EPDR1: variants seen among roughly 807,000 people sequenced by gnomAD.
The protein encoded by EPDR1 is ependymin related 1, also known as mammalian ependymin-related protein 1.
In EPDR1, 27 loss-of-function variants were observed where a neutral mutation model predicts 23.7. That is an observed-to-expected ratio of 1.14 (90% CI 0.84 to 1.57). The LOEUF (loss-of-function observed/expected upper bound fraction) is 1.57. Ranked by LOEUF, EPDR1 falls within the 40% of genes most tolerant of loss-of-function variation. The pLI is 0.00. For missense variants in EPDR1, 349 were observed against 290.4 expected (o/e 1.20, Z -1.47); for synonymous variants, 137 against 118.2 (o/e 1.16, Z -1.03).
chr7:37,936,016 A>AT (rs1786040125), intron 1 of EPDR1, among the ~76,000 whole-genome samples: 1 of 117,836 alleles, frequency 8.5e-6, no homozygotes, highest in Non-Finnish European at 1.8e-5. Context: ...ATATATATAT[A>AT]TATATATATA....
At chr7:37,935,107 A>G (rs924917458) in intron 1 of EPDR1, among the ~76,000 whole-genome samples, 3 of 152,346 alleles carry the variant, frequency 2.0e-5, no homozygotes, top group African/African-American at 7.2e-5. Flanking sequence ...ATACTAAACC[A>G]TTTTATCTAA....
intron 1 of EPDR1, 94 bp downstream of exon 1, chr7:37,921,302 G>A (rs1471836590): frequency 2.1e-6 from 3 of 1,454,388 alleles, no homozygotes; most frequent in Non-Finnish European, 2.7e-6. Context: ...ACTCTTTCCG[G>A]CCCCTTGCAG....
At chr7:37,946,075 A>G (rs1408192185) in intron 1 of EPDR1, among the ~76,000 whole-genome samples, 3 of 152,174 alleles carry the variant, frequency 2.0e-5, no homozygotes, top group Non-Finnish European at 4.4e-5. Context: ...TTATGGCTGC[A>G]TAGTATTCCA....
chr7:37,942,895 G>A (rs1174497829), intron 1 of EPDR1, among the ~76,000 whole-genome samples: 2 of 152,204 alleles, frequency 1.3e-5, no homozygotes, highest in Non-Finnish European at 2.9e-5. Context: ...GGAAACAATG[G>A]AAATTGTCAA....
chr7:37,947,949 G>C (rs1196707685), intron 1 of EPDR1, among the ~76,000 whole-genome samples: 2 of 152,162 alleles, frequency 1.3e-5, no homozygotes, highest in Non-Finnish European at 2.9e-5. Flanking sequence ...ATTTGCTCTG[G>C]GGTCGCCTCA....
chr7:37,933,290 C>T (rs1159651404), intron 1 of EPDR1, among the ~76,000 whole-genome samples: 1 of 152,108 alleles, frequency 6.6e-6, no homozygotes, highest in African/African-American at 2.4e-5. Flanking sequence ...CCATAAAAGC[C>T]AAAGTCCTTT....
At chr7:37,947,930 A>G (rs1786310739) in intron 1 of EPDR1, among the ~76,000 whole-genome samples, 1 of 152,218 alleles carries the variant, frequency 6.6e-6, no homozygotes, top group Non-Finnish European at 1.5e-5. Context: ...AAACTCAGCT[A>G]AGGGAGTCAT....
At chr7:37,934,848 G>A (rs1292676097) in intron 1 of EPDR1, among the ~76,000 whole-genome samples, 1 of 151,970 alleles carries the variant, frequency 6.6e-6, no homozygotes, top group African/African-American at 2.4e-5. Flanking sequence ...GGGAGGCTGG[G>A]GCAGGAAGAT....
At chr7:37,932,870 A>G (rs906480713) in intron 1 of EPDR1, among the ~76,000 whole-genome samples, 25 of 152,214 alleles carry the variant, frequency 1.6e-4, no homozygotes, top group African/African-American at 5.8e-4. Context: ...ATATTCATCC[A>G]GATATATTTT....
At chr7:37,931,251 C>G (rs769103960) in intron 1 of EPDR1, among the ~76,000 whole-genome samples, 2 of 152,242 alleles carry the variant, frequency 1.3e-5, no homozygotes, top group Middle Eastern at 6.8e-3. Flanking sequence ...CGGTGGCTCA[C>G]GCTTGTAATC....
chr7:37,926,785 A>G (rs980844587), intron 1 of EPDR1: 24 of 431,216 alleles, frequency 5.6e-5, no homozygotes, highest in Non-Finnish European at 9.4e-5. Flanking sequence ...CTGTGAAATG[A>G]TACATTTTTT....
rs747826799 is a variant in EPDR1, at chr7:37,950,432, GC to G, written c.*41del. ...AGGGAAGCGGCAGCATCGGATGTCA[GC>G]CCCCTGCGGCCCCAGCTGGAGATGG... On this transcript the variant is annotated 3_prime_UTR_variant, in exon 3 of 3. Coordinates refer to ENST00000199448, the MANE Select transcript of EPDR1 (RefSeq NM_017549.5). The G allele has an allele frequency of 9.8e-6, 15 of 1,537,594 alleles. No homozygotes were observed. Among genetic ancestry groups the G allele is most frequent in the Non-Finnish European group, 1.3e-5 (15 of 1,134,626 alleles).
intron 1 of EPDR1, 120 bp from the exon 2 acceptor site, chr7:37,948,720 G>A: frequency 1.4e-6 from 1 of 715,938 alleles, no homozygotes; most frequent in South Asian, 1.7e-5. Context: ...TTAAGTGATT[G>A]CCTAGCTAGT....
chr7:37,949,742 C>G (rs1285965982), intron 2 of EPDR1, among the ~76,000 whole-genome samples: 1 of 152,088 alleles, frequency 6.6e-6, no homozygotes, highest in Non-Finnish European at 1.5e-5. Context: ...AATGGATAAA[C>G]AAAATCTGGT....
intron 2 of EPDR1, 84 bp downstream of exon 2, chr7:37,949,132 AGGG>A (rs2132021750): frequency 1.5e-6 from 2 of 1,373,720 alleles, no homozygotes; most frequent in East Asian, 4.7e-5. Flanking sequence ...GGTAGTTTTT[AGGG>A]AAACATCCGC....
intron 1 of EPDR1, among the ~76,000 whole-genome samples, chr7:37,925,563 C>T (rs3734952): frequency 0.27 from 41,034 of 152,060 alleles, 5,641 homozygotes; most frequent in African/African-American, 0.35. Flanking sequence ...GCATTAACCT[C>T]TTTTTTAAAC....
intron 1 of EPDR1, among the ~76,000 whole-genome samples, chr7:37,946,330 T>C (rs1375999766): frequency 6.6e-6 from 1 of 152,224 alleles, no homozygotes; most frequent in Non-Finnish European, 1.5e-5. Flanking sequence ...ATGGTTGAAC[T>C]AATTTATACT....
chr7:37,948,870 T>A lies in EPDR1; in HGVS notation c.300T>A (p.Asp100Glu). 1.2e-6 allele frequency: 2 copies of A among 1,614,176 alleles called. No homozygotes were observed. Among genetic ancestry groups the A allele is most frequent in the Non-Finnish European group, 1.7e-6 (2 of 1,180,026 alleles). ...RLFEYILLYK[D>E]GVMFQIDQAT... ...TTGAATATATTTTGCTGTATAAGGA[T>A]GGAGTGATGTTTCAGATTGACCAAG... Residue 100 changes from aspartate (D) to glutamate (E), a missense_variant, in exon 2 of 3, where the codon GAT becomes GAA. Coordinates refer to ENST00000199448, the MANE Select transcript of EPDR1 (RefSeq NM_017549.5).
intron 1 of EPDR1, among the ~76,000 whole-genome samples, chr7:37,947,577 T>C (rs912615535): frequency 5.3e-5 from 8 of 152,246 alleles, no homozygotes; most frequent in African/African-American, 1.7e-4. Context: ...TTGGGTCTCA[T>C]AAGCCACAGA....
Sources: gnomAD v4.1 joint callset for allele counts (sites outside exome capture counted in the v4.1 genomes callset) on GRCh38, gnomAD v4.1.1 for gene constraint, MANE v1.5 for transcripts, NCBI Gene and HGNC (gene_info 2026-07-23, HGNC 2026-07-21) for gene names.